Variants in CSMD1 observed in about 807,000 individuals in gnomAD.
The protein encoded by CSMD1 is CUB and Sushi multiple domains 1.
CSMD1 carries 213 observed loss-of-function variants against 417.5 expected under a neutral mutation model. The ratio of observed to expected loss-of-function variants is 0.51; its 90% CI spans 0.46 to 0.57. The LOEUF (loss-of-function observed/expected upper bound fraction) is 0.57. Among genes scored for constraint, CSMD1 ranks in the 20% least tolerant of loss-of-function variants. CSMD1 has a pLI of 0.00. For synonymous variants in CSMD1, 2,862 were observed against 1,736.8 expected (o/e 1.65, Z -16.11); for missense variants, 6,923 against 4,529.7 (o/e 1.53, Z -15.17).
chr8:4,017,633 G>A (rs2554597), intron 4 of CSMD1, among the ~76,000 whole-genome samples: 47,724 of 151,996 alleles, frequency 0.31, 8,547 homozygotes, highest in South Asian at 0.47. Flanking sequence ...TCTAAATTGT[G>A]TAGAAAATAT....
chr8:3,734,556 C>A (rs527524367), intron 6 of CSMD1, among the ~76,000 whole-genome samples: 8 of 152,210 alleles, frequency 5.3e-5, no homozygotes, highest in Non-Finnish European at 1.2e-4. Flanking sequence ...ACTAAAAATA[C>A]CCAAAATAGC....
intron 2 of CSMD1, among the ~76,000 whole-genome samples, chr8:4,426,980 G>T (rs757722440): frequency 6.6e-6 from 1 of 152,040 alleles, no homozygotes; most frequent in Non-Finnish European, 1.5e-5. Context: ...CTGGTCTAGG[G>T]ATGGGGACAA....
chr8:4,209,230 G>C (rs1239711008), intron 3 of CSMD1, among the ~76,000 whole-genome samples: 1 of 152,074 alleles, frequency 6.6e-6, no homozygotes, highest in Admixed American at 6.6e-5. Flanking sequence ...AAAGACACTT[G>C]CCCAGATTTC....
At chr8:3,808,470 T>C (rs1800874837) in intron 5 of CSMD1, among the ~76,000 whole-genome samples, 1 of 152,182 alleles carries the variant, frequency 6.6e-6, no homozygotes, top group South Asian at 2.1e-4. Flanking sequence ...CTCTTTATAC[T>C]TTTCAGTAAT....
intron 7 of CSMD1, among the ~76,000 whole-genome samples, chr8:3,693,608 TGAGA>T (rs1433533392): frequency 3.3e-5 from 5 of 152,084 alleles, no homozygotes; most frequent in South Asian, 2.1e-4. Flanking sequence ...CCTTATTCCA[TGAGA>T]GAGACAATAA....
chr8:4,115,435 C>G (rs1802082564), intron 3 of CSMD1, among the ~76,000 whole-genome samples: 1 of 152,106 alleles, frequency 6.6e-6, no homozygotes, highest in African/African-American at 2.4e-5. Context: ...TAGTCTAAAA[C>G]TGAATCTCTG....
intron 3 of CSMD1, among the ~76,000 whole-genome samples, chr8:4,338,954 G>A (rs752137315): frequency 6.6e-6 from 1 of 152,052 alleles, no homozygotes; most frequent in South Asian, 2.1e-4. Flanking sequence ...CTGAACATAG[G>A]TCTGGGCATA....
rs114712849 is a variant in CSMD1 at position 4,199,825 on chromosome 8, G to C, written c.416-167726C>G. 5.6e-3 allele frequency among the ~76,000 whole-genome samples: 850 copies of C among 152,190 alleles called. 12 individuals are homozygous for C. Among genetic ancestry groups the C allele is most frequent in the African/African-American group, 0.02 (823 of 41,518 alleles). ...GGATGACTTTTGTAGGTTTCCACTA[G>C]ATAACAGCAGCAACAAAACTCTTCC... is the stretch of plus-strand genomic sequence containing the variant. On this transcript the variant is annotated intron_variant, in intron 3 of 69. Coordinates refer to ENST00000635120, the MANE Select transcript of CSMD1 (RefSeq NM_033225.6).
intron 12 of CSMD1, among the ~76,000 whole-genome samples, chr8:3,450,518 G>T (rs1237182568): frequency 6.7e-6 from 1 of 148,580 alleles, no homozygotes; most frequent in African/African-American, 2.5e-5. Flanking sequence ...GTGTCCATGT[G>T]TTCTCATTGT....
intron 10 of CSMD1, among the ~76,000 whole-genome samples, chr8:3,544,783 G>C (rs1798590885): frequency 6.6e-6 from 1 of 152,012 alleles, no homozygotes; most frequent in African/African-American, 2.4e-5. Context: ...AATGTTGTTT[G>C]CTTTTCTCTA....
At chr8:4,397,388 G>C (rs1297383096) in intron 3 of CSMD1, among the ~76,000 whole-genome samples, 1 of 152,124 alleles carries the variant, frequency 6.6e-6, no homozygotes, top group Non-Finnish European at 1.5e-5. Flanking sequence ...AAGTGGAAAA[G>C]AGAAGTTACT....
intron 2 of CSMD1, among the ~76,000 whole-genome samples, chr8:4,461,661 C>A (rs138869659): frequency 1.3e-5 from 2 of 151,804 alleles, no homozygotes; most frequent in South Asian, 2.1e-4. Flanking sequence ...AGCAATCCTC[C>A]CACCTCAGCC....
At chr8:3,723,417 C>G (rs555166261) in intron 6 of CSMD1, among the ~76,000 whole-genome samples, 5 of 152,332 alleles carry the variant, frequency 3.3e-5, no homozygotes, top group South Asian at 2.1e-4. Flanking sequence ...ACATCATATT[C>G]ACTCAAGGAG....
intron 1 of CSMD1, among the ~76,000 whole-genome samples, chr8:4,927,638 T>C (rs1806960449): frequency 6.6e-6 from 1 of 152,210 alleles, no homozygotes; most frequent in Admixed American, 6.5e-5. Flanking sequence ...AGGCAGGGCA[T>C]CTACATTGGT....
intron 3 of CSMD1, among the ~76,000 whole-genome samples, chr8:4,402,258 C>T (rs990104829): frequency 1.3e-5 from 2 of 152,104 alleles, no homozygotes; most frequent in African/African-American, 2.4e-5. Flanking sequence ...ACATCATAAA[C>T]TGCAAATCCA....
At chr8:3,460,670 G>C (rs181479501) in intron 12 of CSMD1, among the ~76,000 whole-genome samples, 13 of 152,194 alleles carry the variant, frequency 8.5e-5, no homozygotes, top group African/African-American at 2.9e-4. Context: ...CGAAATTCGT[G>C]GAGAAAAAGA....
chr8:3,384,657 T>G (rs1279270972), intron 18 of CSMD1, among the ~76,000 whole-genome samples: 1 of 137,966 alleles, frequency 7.2e-6, no homozygotes, highest in Non-Finnish European at 1.5e-5. Flanking sequence ...TACATATAAA[T>G]TAATATAGAT....
chr8:3,968,984 C>T (rs1308130755), intron 5 of CSMD1, among the ~76,000 whole-genome samples: 2 of 152,176 alleles, frequency 1.3e-5, no homozygotes, highest in African/African-American at 2.4e-5. Context: ...GGGACAGTGG[C>T]TCATACCTGT....
chr8:4,730,503 G>A (rs1397513344), intron 1 of CSMD1, among the ~76,000 whole-genome samples: 1 of 152,126 alleles, frequency 6.6e-6, no homozygotes, highest in African/African-American at 2.4e-5. Context: ...CACTTTGGGA[G>A]GCTGAGGCAG....
Sources: gnomAD v4.1 joint callset for allele counts (sites outside exome capture counted in the v4.1 genomes callset) on GRCh38, gnomAD v4.1.1 for gene constraint, MANE v1.5 for transcripts, NCBI Gene and HGNC (gene_info 2026-07-23, HGNC 2026-07-21) for gene names.